TBX5: variants seen among roughly 807,000 people sequenced by gnomAD.
The protein encoded by TBX5 is T-box transcription factor TBX5.
In TBX5, 8 loss-of-function variants were observed where a neutral mutation model predicts 51.1. The observed-to-expected ratio is 0.16, with a 90% CI of 0.09 to 0.28. TBX5 has a LOEUF of 0.28. Among genes scored for constraint, TBX5 ranks in the 10% least tolerant of loss-of-function variants. TBX5 has a pLI of 1.00. For missense variants in TBX5, 589 were observed against 671.7 expected, an observed-to-expected ratio of 0.88 and a Z score of 1.36; for synonymous variants, 302 against 266.4, an observed-to-expected ratio of 1.13 and a Z score of -1.30.
At chr12:114,374,198 T>C (rs1870072167) in intron 7 of TBX5, among the ~76,000 whole-genome samples, 1 of 152,244 alleles carries the variant, frequency 6.6e-6, no homozygotes, top group African/African-American at 2.4e-5. Flanking sequence ...CCTTCCCTGT[T>C]CAGAACAACT....
At chr12:114,393,165 G>A (rs35187840) in intron 6 of TBX5, among the ~76,000 whole-genome samples, 3,901 of 152,158 alleles carry the variant, frequency 0.026, 81 homozygotes, top group Middle Eastern at 0.048. Context: ...GAGGATTTGG[G>A]GTGCTAAGCC....
In TBX5 at chr12:114,385,511, A is replaced by G. The variant is rs1277401790; in HGVS notation, c.720T>C (p.Asp240=). ...NPFAKGFRGS[D]DMELHRMSRM... ...TTGACATTCTGTGCAGCTCCATGTC[A>G]TCACTGCCCCGAAATCCTTTGGCAA... The change falls in exon 7 of 9, where the codon GAT becomes GAC. Residue 240 remains aspartate (D), a synonymous_variant. Transcript: ENST00000405440. The G allele has an allele frequency of 6.2e-7, 1 of 1,614,190 alleles. No homozygotes were observed. Among genetic ancestry groups the G allele is most frequent in the Admixed American group, 1.7e-5 (1 of 60,026 alleles).
chr12:114,382,670 G>A (rs1332922299), intron 7 of TBX5, among the ~76,000 whole-genome samples: 3 of 152,242 alleles, frequency 2.0e-5, no homozygotes, highest in Non-Finnish European at 4.4e-5. Context: ...GGTGGTGAAC[G>A]CCTGTAATTC....
chr12:114,387,285 T>TCTGC (rs1870870670), intron 6 of TBX5, among the ~76,000 whole-genome samples: 1 of 152,336 alleles, frequency 6.6e-6, no homozygotes, highest in South Asian at 2.1e-4. Context: ...AGAGAGGAAT[T>TCTGC]CTTATCTATT....
At chr12:114,388,991 C>T (rs970244611) in intron 6 of TBX5, among the ~76,000 whole-genome samples, 75 of 152,142 alleles carry the variant, frequency 4.9e-4, no homozygotes, top group African/African-American at 1.7e-3. Flanking sequence ...TGCAGTGGCG[C>T]GATCTTGGCT....
intron 6 of TBX5, among the ~76,000 whole-genome samples, chr12:114,388,678 G>A (rs1870967097): frequency 3.9e-5 from 1 of 25,434 alleles, no homozygotes; most frequent in East Asian, 8.8e-3. Flanking sequence ...AAGTATCCGT[G>A]TGTGTGTGTG....
At chr12:114,390,259 C>T (rs1044116433) in intron 6 of TBX5, among the ~76,000 whole-genome samples, 1 of 152,180 alleles carries the variant, frequency 6.6e-6, no homozygotes, top group Admixed American at 6.5e-5. Context: ...AATATCTGTC[C>T]ACTCACATAC....
chr12:114,399,566 G>A lies in TBX5; in HGVS notation c.309C>T (p.Leu103=), dbSNP rs28730763. ...GLNPKTKYIL[L]MDIVPADDHR... ...GATCGTCGGCAGGTACAATGTCCAT[G>A]AGAAGAATGTACTTCGTTTTGGGAT... The change falls in exon 4 of 9, where the codon CTC becomes CTT. Residue 103 remains leucine, a synonymous_variant. Coordinates refer to ENST00000405440, the MANE Select transcript of TBX5 (RefSeq NM_181486.4). 11,979 of 1,614,098 alleles carry A rather than the reference G, an allele frequency of 7.4e-3. 794 individuals carry two copies. The African/African-American group carries it at 0.14, about 19-fold the overall frequency.
chr12:114,384,393 G>A (rs1033665867), intron 7 of TBX5, among the ~76,000 whole-genome samples: 14 of 151,996 alleles, frequency 9.2e-5, no homozygotes, highest in African/African-American at 2.2e-4. Flanking sequence ...CTCCTGCCTC[G>A]GCCTTCTGAG....
chr12:114,372,975 T>TACAC (rs895464817), intron 7 of TBX5, among the ~76,000 whole-genome samples: 16 of 112,008 alleles, frequency 1.4e-4, no homozygotes, highest in South Asian at 7.6e-4. Flanking sequence ...AGCGAATATA[T>TACAC]ATACATACAC....
At chr12:114,407,767 C>A, upstream of TBX5, 1 of 985,438 alleles carries the variant, frequency 1.0e-6, no homozygotes, top group South Asian at 4.7e-5. Context: ...GGGCCAAGTG[C>A]AAAGAGAAAC....
Position 114,398,702 on chromosome 12 carries a change from A to G in TBX5, c.381T>C (p.Ala127=). 1 of 1,603,714 alleles carries G rather than the reference A, an allele frequency of 6.2e-7. No homozygotes were observed. The highest frequency in any genetic ancestry group is 8.5e-7 in the Non-Finnish European group (1 of 1,175,286). ...ADNKWSVTGK[A]EPAMPGRLYV... Reference sequence around the variant, plus strand: ...ACAGGCGGCCAGGCATGGCGGGCTCAGCTTTGCCCGTCACAGACCTAGATG... The same window carrying G: ...ACAGGCGGCCAGGCATGGCGGGCTCGGCTTTGCCCGTCACAGACCTAGATG... Residue 127 remains alanine (A), a synonymous_variant, in exon 5 of 9, where the codon GCT becomes GCC. Transcript: ENST00000405440.
chr12:114,398,615 C>G lies in TBX5; in HGVS notation c.468G>C (p.Gln156His). ...GGTGGTTGTTGGTGAGCTTGAGTTT[C>G]TGGAAGGAGACGAGCTGCCTCATCC... ...AHWMRQLVSF[Q>H]KLKLTNNHLD... Residue 156 changes from glutamine (Q) to histidine (H), a missense_variant, in exon 5 of 9, where the codon CAG becomes CAC. Gln to His is a conservative substitution (Grantham distance 24, BLOSUM62 0). Transcript: ENST00000405440. 1.9e-6 allele frequency: 3 copies of G among 1,613,650 alleles called. No homozygotes were observed. Among genetic ancestry groups the G allele is most frequent in the Non-Finnish European group, 1.7e-6 (2 of 1,179,898 alleles).
chr12:114,402,831 C>CT (rs1390595299), intron 2 of TBX5, among the ~76,000 whole-genome samples: 3 of 151,648 alleles, frequency 2.0e-5, no homozygotes, highest in Non-Finnish European at 4.4e-5. Flanking sequence ...AAAAAAATCC[C>CT]TAAGTTTCCT....
chr12:114,358,279 G>C (rs546694062), intron 8 of TBX5, among the ~76,000 whole-genome samples: 1 of 152,178 alleles, frequency 6.6e-6, no homozygotes, highest in Non-Finnish European at 1.5e-5. Context: ...TCCCGTTTTT[G>C]GTGCATGTCC....
rs368563052 is a variant in TBX5, at chr12:114,385,508, G to A, written c.723C>T (p.Asp241=). The A allele has an allele frequency of 1.5e-5, 24 of 1,614,050 alleles. No individual in the cohort carries two copies. Among genetic ancestry groups the A allele is most frequent in the Non-Finnish European group, 1.8e-5 (21 of 1,180,026 alleles). ...PFAKGFRGSD[D]MELHRMSRMQ... ...TTCTTGACATTCTGTGCAGCTCCAT[G>A]TCATCACTGCCCCGAAATCCTTTGG... Residue 241 remains aspartate (D), a synonymous_variant, in exon 7 of 9, where the codon GAC becomes GAT. Coordinates refer to ENST00000405440, the MANE Select transcript of TBX5 (RefSeq NM_181486.4).
At chr12:114,399,337 G>A (rs866215916) in intron 4 of TBX5, among the ~76,000 whole-genome samples, 176 bp downstream of exon 4, 2 of 151,736 alleles carry the variant, frequency 1.3e-5, no homozygotes, top group Non-Finnish European at 2.9e-5. Flanking sequence ...GCTAATTGTT[G>A]TAGTTTCTTT....
chr12:114,391,271 C>G (rs1361604559), intron 6 of TBX5, among the ~76,000 whole-genome samples: 1 of 152,162 alleles, frequency 6.6e-6, no homozygotes, highest in African/African-American at 2.4e-5. Flanking sequence ...CCAACTAAAC[C>G]ACAAAGACTA....
At chr12:114,384,995 G>C (rs181078540) in intron 7 of TBX5, among the ~76,000 whole-genome samples, 1 of 151,850 alleles carries the variant, frequency 6.6e-6, no homozygotes, top group African/African-American at 2.4e-5. Context: ...TTTAGCACCA[G>C]CTTCCAATCC....
Sources: gnomAD v4.1 joint callset for allele counts (sites outside exome capture counted in the v4.1 genomes callset) on GRCh38, gnomAD v4.1.1 for gene constraint, MANE v1.5 for transcripts, NCBI Gene and HGNC (gene_info 2026-07-23, HGNC 2026-07-21) for gene names.